The following GPR158 variants were observed in gnomAD, a reference collection of about 807,000 sequenced individuals.
The protein encoded by GPR158 is G protein-coupled receptor 158.
In GPR158, 30 loss-of-function variants were observed where a neutral mutation model predicts 78.2. The ratio of observed to expected loss-of-function variants is 0.38; its 90% CI spans 0.29 to 0.52. The LOEUF is 0.52. Ranked by LOEUF, GPR158 falls within the 20% of genes least tolerant of loss-of-function variation. The pLI, the probability that GPR158 is intolerant of heterozygous loss-of-function variation, is 0.83. For synonymous variants in GPR158, 581 were observed against 591.1 expected (o/e 0.98, Z 0.25); for missense variants, 1,463 against 1,523.5 (o/e 0.96, Z 0.66).
chr10:25,594,138 T>G (rs1367112191), intron 8 of GPR158, 154 bp from the exon 9 acceptor site: 1 of 563,466 alleles, frequency 1.8e-6, no homozygotes, highest in Non-Finnish European at 3.1e-6. Flanking sequence ...TTAGACTTTA[T>G]TCTTTTGAGA....
At chr10:25,507,995 T>C (rs1033991430) in intron 5 of GPR158, among the ~76,000 whole-genome samples, 5 of 152,168 alleles carry the variant, frequency 3.3e-5, no homozygotes, top group Non-Finnish European at 7.4e-5. Flanking sequence ...GACGGTTTTT[T>C]AAGGTAACAA....
At chr10:25,364,127 G>A (rs940800464) in intron 2 of GPR158, among the ~76,000 whole-genome samples, 5 of 151,842 alleles carry the variant, frequency 3.3e-5, no homozygotes, top group African/African-American at 1.2e-4. Context: ...TTATCAGTAA[G>A]GAAAATAATA....
chr10:25,390,455 C>A (rs957773740), intron 2 of GPR158, among the ~76,000 whole-genome samples: 2 of 152,200 alleles, frequency 1.3e-5, no homozygotes, highest in African/African-American at 4.8e-5. Context: ...GGAACTGGAG[C>A]AAAGGTGATT....
chr10:25,565,955 G>T (rs867537850), intron 6 of GPR158, among the ~76,000 whole-genome samples: 1 of 152,074 alleles, frequency 6.6e-6, no homozygotes, highest in Non-Finnish European at 1.5e-5. Context: ...ACTCCTTAAG[G>T]CCAGAAATAT....
intron 2 of GPR158, among the ~76,000 whole-genome samples, chr10:25,231,981 G>A (rs985025624): frequency 2.0e-5 from 3 of 152,124 alleles, no homozygotes; most frequent in Non-Finnish European, 2.9e-5. Context: ...AGGCTGGGGC[G>A]AGAGAATTGA....
intron 2 of GPR158, among the ~76,000 whole-genome samples, chr10:25,356,471 T>C (rs1855553909): frequency 6.6e-6 from 1 of 152,104 alleles, no homozygotes; most frequent in Non-Finnish European, 1.5e-5. Flanking sequence ...AAATCTCATC[T>C]TGTAGCTCCC....
At chr10:25,517,583 G>T (rs200379282) in intron 5 of GPR158, among the ~76,000 whole-genome samples, 7 of 151,714 alleles carry the variant, frequency 4.6e-5, no homozygotes, top group Admixed American at 4.6e-4. Context: ...TAGCATGAAG[G>T]GTTGTTGAAT....
chr10:25,316,229 T>A (rs1854846024), intron 2 of GPR158, among the ~76,000 whole-genome samples: 1 of 152,160 alleles, frequency 6.6e-6, no homozygotes. Context: ...GAAGATCAAT[T>A]TACCCAGGTA....
chr10:25,278,020 C>A (rs931824005), intron 2 of GPR158, among the ~76,000 whole-genome samples: 1 of 152,138 alleles, frequency 6.6e-6, no homozygotes, highest in African/African-American at 2.4e-5. Flanking sequence ...CTTAAAAAAA[C>A]CACCTGCAGC....
chr10:25,394,037 C>T (rs552754809), intron 2 of GPR158, among the ~76,000 whole-genome samples: 2 of 152,100 alleles, frequency 1.3e-5, no homozygotes, highest in African/African-American at 4.8e-5. Context: ...AATCACTTCA[C>T]CGTGAGCATT....
intron 2 of GPR158, among the ~76,000 whole-genome samples, chr10:25,288,161 T>C (rs1228529997): frequency 6.6e-6 from 1 of 152,232 alleles, no homozygotes; most frequent in Non-Finnish European, 1.5e-5. Context: ...TTTATGTTAC[T>C]AATAAAGAAA....
rs1852545443 is a variant in GPR158 at position 25,176,939 on chromosome 10, A to T, written c.902+617A>T. ...GCTGTCTCTGGGATCCAGACTTTGC[A>T]GCTTGGTCAGGGTGCTCCTTCTACC... On this transcript the variant is annotated intron_variant, in intron 1 of 10. Transcript: ENST00000376351. This position sits in a 1 kb window ranked among gnomAD's most constrained non-coding sequence, Gnocchi z 6.3. Among the ~76,000 whole-genome samples the T allele has an allele frequency of 6.6e-6, 1 of 152,086 alleles. No individual in the cohort carries two copies. Among genetic ancestry groups the T allele is most frequent in the Admixed American group, 6.6e-5 (1 of 15,252 alleles).
At chr10:25,311,281 C>T (rs1854760435) in intron 2 of GPR158, among the ~76,000 whole-genome samples, 1 of 151,836 alleles carries the variant, frequency 6.6e-6, no homozygotes, top group South Asian at 2.1e-4. Context: ...ACCTTTATGA[C>T]ATTGAGCTTT....
rs1475054701 is a variant in GPR158 at position 25,550,998 on chromosome 10, C to A, written c.1427C>A (p.Pro476Gln). The A allele has an allele frequency of 1.2e-6, 2 of 1,604,322 alleles. No homozygotes were observed. Among genetic ancestry groups the A allele is most frequent in the Non-Finnish European group, 1.7e-6 (2 of 1,171,300 alleles). Residue 476 changes from proline to glutamine, a missense_variant, in exon 6 of 11, where the codon CCA becomes CAA. Coordinates refer to ENST00000376351, the MANE Select transcript of GPR158 (RefSeq NM_020752.3). The part of the protein sequence containing the change: ...YFPVVILYFE[P>Q]STFRCILLRW... Reference sequence around the variant, plus strand: ...CAGGTTGTTATTTTGTACTTTGAGCCAAGCACATTTCGCTGTATTCTCCTA... The same window carrying A: ...CAGGTTGTTATTTTGTACTTTGAGCAAAGCACATTTCGCTGTATTCTCCTA...
chr10:25,322,938 C>G (rs1854973302), intron 2 of GPR158, among the ~76,000 whole-genome samples: 1 of 152,096 alleles, frequency 6.6e-6, no homozygotes, highest in Non-Finnish European at 1.5e-5. Context: ...GCTCCGCCTC[C>G]CAGGTTCACG....
chr10:25,511,423 T>C (rs969192627), intron 5 of GPR158, among the ~76,000 whole-genome samples: 14 of 152,204 alleles, frequency 9.2e-5, no homozygotes, highest in African/African-American at 3.1e-4. Flanking sequence ...TTGAGTTTGT[T>C]GTAGATTCCG....
At chr10:25,439,018 A>G (rs1409368260) in intron 4 of GPR158, among the ~76,000 whole-genome samples, 7 of 152,348 alleles carry the variant, frequency 4.6e-5, no homozygotes, top group African/African-American at 1.7e-4. Context: ...TTCATGCTAC[A>G]GTGGCAGAAT....
At chr10:25,382,841 T>A (rs541494844) in intron 2 of GPR158, among the ~76,000 whole-genome samples, 148 of 152,200 alleles carry the variant, frequency 9.7e-4, no homozygotes, top group African/African-American at 3.5e-3. Flanking sequence ...TTTATTTATT[T>A]ATTTTTTTGA....
At chr10:25,579,093 A>T (rs1837149653) in intron 7 of GPR158, among the ~76,000 whole-genome samples, 1 of 152,164 alleles carries the variant, frequency 6.6e-6, no homozygotes, top group Non-Finnish European at 1.5e-5. Flanking sequence ...GAAGAAAACA[A>T]AGTATCATGT....
Sources: allele counts gnomAD v4.1 joint callset (sites outside exome capture counted in the v4.1 genomes callset), GRCh38; gene constraint gnomAD v4.1.1; non-coding constraint Gnocchi (gnomAD v3.1); transcripts MANE v1.5; gene names NCBI Gene and HGNC (gene_info 2026-07-23, HGNC 2026-07-21).